MSRA: variants seen among roughly 807,000 people sequenced by gnomAD.
MSRA encodes the protein methionine sulfoxide reductase A, also known as mitochondrial peptide methionine sulfoxide reductase.
Under a neutral mutation model 31.3 loss-of-function variants are expected in MSRA, and 54 were observed. The ratio of observed to expected loss-of-function variants is 1.73; its 90% confidence interval spans 1.39 to 2.17. The LOEUF (loss-of-function observed/expected upper bound fraction) is 2.17, where lower values mean the gene tolerates loss of function less well. Ranked by LOEUF, MSRA falls within the 30% of genes most tolerant of loss-of-function variation. The pLI is 0.00. For synonymous variants in MSRA, 169 were observed against 116.5 expected (o/e 1.45, Z -2.90); for missense variants, 507 against 300.9 (o/e 1.69, Z -5.07).
At chr8:10,242,894 C>A (rs558443272) in intron 2 of MSRA, among the ~76,000 whole-genome samples, 1 of 152,310 alleles carries the variant, frequency 6.6e-6, no homozygotes, top group South Asian at 2.1e-4. Flanking sequence ...ATTCCAGTCC[C>A]TGAGACGCTG....
At chr8:10,285,882 C>T (rs1799908630) in intron 3 of MSRA, among the ~76,000 whole-genome samples, 1 of 152,092 alleles carries the variant, frequency 6.6e-6, no homozygotes, top group Non-Finnish European at 1.5e-5. Flanking sequence ...TGTATTTCTT[C>T]TTCTGCTTTT....
At chr8:10,296,607 C>A (rs1800556669) in intron 3 of MSRA, among the ~76,000 whole-genome samples, 1 of 152,200 alleles carries the variant, frequency 6.6e-6, no homozygotes, top group African/African-American at 2.4e-5. Context: ...TATGATAATA[C>A]AACTGAGAAT....
At chr8:10,063,003 C>G (rs1797285681) in intron 1 of MSRA, among the ~76,000 whole-genome samples, 1 of 152,190 alleles carries the variant, frequency 6.6e-6, no homozygotes, top group African/African-American at 2.4e-5. Flanking sequence ...TCCAACCACC[C>G]TCGTCTGAAA....
At chr8:10,160,934 G>A (rs1804582168) in intron 1 of MSRA, among the ~76,000 whole-genome samples, 1 of 152,184 alleles carries the variant, frequency 6.6e-6, no homozygotes, top group Non-Finnish European at 1.5e-5. Flanking sequence ...AATTATGACT[G>A]CATTAGTGCA....
chr8:10,100,660 C>T (rs369604862), intron 1 of MSRA, among the ~76,000 whole-genome samples: 2 of 152,068 alleles, frequency 1.3e-5, no homozygotes, highest in Non-Finnish European at 2.9e-5. Context: ...TGAAACTCAT[C>T]AGATTCTGAA....
chr8:10,284,377 G>A (rs1799821709), intron 3 of MSRA, among the ~76,000 whole-genome samples: 1 of 151,820 alleles, frequency 6.6e-6, no homozygotes, highest in Non-Finnish European at 1.5e-5. Flanking sequence ...ATTTTTACTA[G>A]ATACTGGGGT....
chr8:10,179,146 A>C (rs1232541927), intron 1 of MSRA, among the ~76,000 whole-genome samples: 1 of 152,224 alleles, frequency 6.6e-6, no homozygotes, highest in South Asian at 2.1e-4. Flanking sequence ...ATCCCACAGG[A>C]CAACATTATC....
chr8:10,168,653 A>G (rs180696852), intron 1 of MSRA, among the ~76,000 whole-genome samples: 282 of 152,280 alleles, frequency 1.9e-3, no homozygotes, highest in Non-Finnish European at 2.5e-3. Context: ...AACTGGCCCA[A>G]TGTCACATAG....
rs76094770 is a variant in MSRA at position 10,280,033 on chromosome 8, C to A, written c.332-21501C>A. Among the ~76,000 whole-genome samples, 6 of 152,242 alleles carry A rather than the reference C, an allele frequency of 3.9e-5. No homozygotes were observed. The East Asian group carries it at 1.2e-3, about 29-fold the overall frequency. On this transcript the variant is annotated intron_variant, in intron 3 of 5. Coordinates refer to ENST00000317173, the MANE Select transcript of MSRA (RefSeq NM_012331.5). ...AAAATAGTTATTAAAGATAGTGCAG[C>A]CTTGCTTTTTCTTCTTTCTGGGCCA...
intron 1 of MSRA, among the ~76,000 whole-genome samples, chr8:10,126,416 C>A (rs1172276071): frequency 1.3e-5 from 2 of 152,176 alleles, no homozygotes; most frequent in African/African-American, 4.8e-5. Context: ...GGACTGGTTT[C>A]ATGGAAGACA....
intron 5 of MSRA, among the ~76,000 whole-genome samples, chr8:10,338,110 A>G (rs955186075): frequency 6.6e-6 from 1 of 152,244 alleles, no homozygotes; most frequent in Non-Finnish European, 1.5e-5. Context: ...GGAGTAGGAA[A>G]GAAAACTGTG....
At chr8:10,096,239 C>G in intron 1 of MSRA, 9 of 1,198,218 alleles carry the variant, frequency 7.5e-6, no homozygotes, top group Non-Finnish European at 9.4e-6. Flanking sequence ...AACTACATCC[C>G]CCAGCAATTA....
chr8:10,157,523 G>C (rs1176689077), intron 1 of MSRA, among the ~76,000 whole-genome samples: 5 of 152,110 alleles, frequency 3.3e-5, no homozygotes, highest in Non-Finnish European at 5.9e-5. Flanking sequence ...TTGGGATAGT[G>C]GGAGGTGGCT....
intron 3 of MSRA, among the ~76,000 whole-genome samples, chr8:10,288,930 G>A (rs1216122057): frequency 6.6e-6 from 1 of 151,872 alleles, no homozygotes; most frequent in East Asian, 1.9e-4. Flanking sequence ...CAAAAATGGT[G>A]CAAGCAGCCA....
chr8:10,294,537 C>T (rs994980521), intron 3 of MSRA, among the ~76,000 whole-genome samples: 2 of 152,102 alleles, frequency 1.3e-5, no homozygotes, highest in African/African-American at 4.8e-5. Context: ...GGTGGCAACT[C>T]GGGCACTCTG....
At chr8:10,372,377 A>G (rs1301483616) in intron 5 of MSRA, among the ~76,000 whole-genome samples, 1 of 152,244 alleles carries the variant, frequency 6.6e-6, no homozygotes, top group African/African-American at 2.4e-5. Context: ...AATAAGAGAA[A>G]CAGATTCCTT....
chr8:10,408,392 A>G (rs1270950008), intron 5 of MSRA, among the ~76,000 whole-genome samples: 2 of 152,122 alleles, frequency 1.3e-5, no homozygotes, highest in Non-Finnish European at 2.9e-5. Context: ...TTTTTAAAAA[A>G]TTAGCCAGGC....
At position 10,271,794 on chromosome 8, in the gene MSRA, C is replaced by G. The variant is rs575116784; in HGVS notation, c.331+26571C>G. ...AGTACAGTGGCGCGATCTTGGCTCA[C>G]CGCAACCTCGGCCTCCTGGGTTCAA... On this transcript the variant is annotated intron_variant, in intron 3 of 5. Coordinates refer to ENST00000317173, the MANE Select transcript of MSRA (RefSeq NM_012331.5). 4.6e-5 allele frequency among the ~76,000 whole-genome samples: 7 copies of G among 151,724 alleles called. No individual in the cohort carries two copies. The South Asian group carries it at 8.4e-4, about 18-fold the overall frequency.
intron 5 of MSRA, among the ~76,000 whole-genome samples, chr8:10,377,968 C>G (rs1291021219): frequency 6.6e-6 from 1 of 152,254 alleles, no homozygotes; most frequent in East Asian, 1.9e-4. Context: ...GACTCCCACA[C>G]TGGGAGCTCT....
Sources: gnomAD v4.1 joint callset for allele counts (sites outside exome capture counted in the v4.1 genomes callset) on GRCh38, gnomAD v4.1.1 for gene constraint, MANE v1.5 for transcripts, NCBI Gene and HGNC (gene_info 2026-07-23, HGNC 2026-07-21) for gene names.